The following SLC9B2 variants were observed in gnomAD, a reference collection of about 807,000 sequenced individuals.
The protein encoded by SLC9B2 is sodium/hydrogen exchanger 9B2.
SLC9B2 carries 39 observed loss-of-function variants against 52.2 expected under a neutral mutation model. That is an observed-to-expected ratio of 0.75 (90% CI 0.58 to 0.98). The LOEUF (loss-of-function observed/expected upper bound fraction) is 0.98. SLC9B2 is among the 50% of genes least tolerant of loss of function. The pLI, the probability that SLC9B2 is intolerant of heterozygous loss-of-function variation, is 0.00. For missense variants in SLC9B2, 626 were observed against 637.5 expected (o/e 0.98, Z 0.19); for synonymous variants, 214 against 227.0 (o/e 0.94, Z 0.51).
intron 3 of SLC9B2, among the ~76,000 whole-genome samples, chr4:103,062,089 C>T (rs1463036304): frequency 1.3e-5 from 2 of 152,134 alleles, no homozygotes; most frequent in African/African-American, 4.8e-5. Flanking sequence ...TAGCATAAAC[C>T]CAAGCTAATA....
chr4:103,048,715 A>C, intron 6 of SLC9B2, 178 bp downstream of exon 6: 32 of 693,252 alleles, frequency 4.6e-5, no homozygotes, highest in Non-Finnish European at 6.5e-5. Context: ...TGTAAGAGTT[A>C]GCGCCTATTA....
At chr4:103,051,447 T>C (rs1200659087) in intron 4 of SLC9B2, among the ~76,000 whole-genome samples, 1 of 152,216 alleles carries the variant, frequency 6.6e-6, no homozygotes, top group African/African-American at 2.4e-5. Flanking sequence ...CTGCTGCACA[T>C]GAAAGCATCA....
intron 1 of SLC9B2, among the ~76,000 whole-genome samples, chr4:103,070,603 G>A (rs969204794): frequency 2.6e-5 from 4 of 152,120 alleles, no homozygotes; most frequent in African/African-American, 9.7e-5. Context: ...ACCTCGCCTG[G>A]CTAATTTTTT....
At chr4:103,037,737 T>C (rs1398450314) in intron 9 of SLC9B2, among the ~76,000 whole-genome samples, 1 of 152,176 alleles carries the variant, frequency 6.6e-6, no homozygotes, top group African/African-American at 2.4e-5. Flanking sequence ...TTAGATAACA[T>C]CTAAGATCAT....
rs777936267 is a variant in SLC9B2 at position 103,047,163 on chromosome 4, T to C, written c.777A>G (p.Gly259=). The C allele has an allele frequency of 6.2e-7, 1 of 1,613,780 alleles. No homozygotes were observed. ...VVPSMLLLQG[G]GYGVEKGVPT... ...GGACACCCTTCTCAACACCATAGCCTCCTCCCTGCAAAAGGAGCATTGAAG... is the reference window on the plus strand; with the variant it reads ...GGACACCCTTCTCAACACCATAGCCCCCTCCCTGCAAAAGGAGCATTGAAG... The change falls in exon 7 of 12, where the codon GGA becomes GGG. Residue 259 remains glycine, a synonymous_variant. Coordinates refer to ENST00000394785, the MANE Select transcript of SLC9B2 (RefSeq NM_178833.7).
At chr4:103,072,978 G>A (rs1746801564) in intron 1 of SLC9B2, among the ~76,000 whole-genome samples, 1 of 151,768 alleles carries the variant, frequency 6.6e-6, no homozygotes, top group African/African-American at 2.4e-5. Context: ...TAGTCCCTTT[G>A]GCTCTTTCCC....
intron 5 of SLC9B2, 44 bp from the exon 6 acceptor site, chr4:103,049,064 G>A: frequency 1.3e-6 from 2 of 1,598,998 alleles, no homozygotes; most frequent in East Asian, 2.3e-5. Context: ...CTCTGAAGAT[G>A]TGCAGAGAAG....
At chr4:103,046,977 T>C in intron 7 of SLC9B2, 74 bp downstream of exon 7, 3 of 1,503,684 alleles carry the variant, frequency 2.0e-6, no homozygotes, top group Non-Finnish European at 1.8e-6. Context: ...CAAGCAAATA[T>C]GTCATGCTTA....
rs1742123510 is a variant in SLC9B2, at chr4:103,025,611, C to G, written c.*759G>C. 1 of 152,008 alleles carries G rather than the reference C, an allele frequency of 6.6e-6. No individual in the cohort carries two copies. The highest frequency in any genetic ancestry group is 1.5e-5 in the Non-Finnish European group (1 of 68,000). 9.4% of individuals were successfully genotyped at this position (152,008 alleles called of 1,614,324 possible). ...TGGCATAGATTTGAAACTTACCTAT[C>G]TCCCACCTAGAAATGGGAAGAGCCT... is the stretch of plus-strand genomic sequence containing the variant. On this transcript the variant is annotated 3_prime_UTR_variant, in exon 12 of 12. Coordinates refer to ENST00000394785, the MANE Select transcript of SLC9B2 (RefSeq NM_178833.7).
intron 1 of SLC9B2, among the ~76,000 whole-genome samples, chr4:103,071,387 T>C (rs1488560810): frequency 6.7e-6 from 1 of 149,848 alleles, no homozygotes; most frequent in Non-Finnish European, 1.5e-5. Context: ...TATTTTTTTT[T>C]TTTTTTTTTT....
In SLC9B2 at chr4:103,048,658, G is replaced by A. The variant is rs138394116; in HGVS notation, c.713+235C>T. 3.6e-5 allele frequency: 15 copies of A among 412,020 alleles called. No individual in the cohort carries two copies. The East Asian group carries it at 6.6e-4, about 18-fold the overall frequency. 25.5% of individuals were successfully genotyped at this position (412,020 alleles called of 1,614,324 possible). The stretch of plus-strand genomic sequence containing the variant: ...TTTAACAGGCATTGAATCAGGTGTA[G>A]GCAAAAGACCACGACTTCTTCAACA... On this transcript the variant is annotated intron_variant, in intron 6 of 11. Coordinates refer to ENST00000394785, the MANE Select transcript of SLC9B2 (RefSeq NM_178833.7).
Position 103,050,284 on chromosome 4 carries a change from G to T in SLC9B2, c.541C>A (p.Leu181Met). The T allele has an allele frequency of 1.2e-6, 2 of 1,609,472 alleles. No homozygotes were observed. Among genetic ancestry groups the T allele is most frequent in the Admixed American group, 1.7e-5 (1 of 59,224 alleles). Reference sequence around the variant, plus strand: ...CCAGCACGAACCAGAATGATAGACAGGGCTATGCTTCTCAAAGAGGAAGAC... The same window carrying T: ...CCAGCACGAACCAGAATGATAGACATGGCTATGCTTCTCAAAGAGGAAGAC... ...KWSSSLRSIA[L>M]SIILVRAGLG... The change falls in exon 5 of 12, where the codon CTG (leucine) becomes ATG (methionine). Residue 181 changes from leucine (L) to methionine (M), a missense_variant. Transcript: ENST00000394785.
intron 10 of SLC9B2, among the ~76,000 whole-genome samples, chr4:103,030,073 A>C (rs75419161): frequency 2.8e-4 from 43 of 152,292 alleles, no homozygotes; most frequent in South Asian, 1.0e-3. Context: ...TATCATTCCC[A>C]GAAGGAAACA....
At chr4:103,041,650 T>C (rs1445806824) in intron 9 of SLC9B2, among the ~76,000 whole-genome samples, 1 of 152,176 alleles carries the variant, frequency 6.6e-6, no homozygotes, top group Non-Finnish European at 1.5e-5. Context: ...TTTATGAATT[T>C]AGAAGCTGAA....
intron 4 of SLC9B2, among the ~76,000 whole-genome samples, chr4:103,055,919 TCAGC>T (rs1173078351): frequency 6.7e-6 from 1 of 150,264 alleles, no homozygotes; most frequent in Admixed American, 6.7e-5. Flanking sequence ...TTCTCCTGCC[TCAGC>T]CTCCCGAGTA....
intron 4 of SLC9B2, among the ~76,000 whole-genome samples, chr4:103,052,139 C>T (rs1020023565): frequency 3.3e-5 from 5 of 152,188 alleles, no homozygotes; most frequent in East Asian, 1.9e-4. Context: ...TCGTGGAAGA[C>T]GATTTTTCCA....
intron 1 of SLC9B2, among the ~76,000 whole-genome samples, chr4:103,070,018 T>C (rs1746475437): frequency 6.6e-6 from 1 of 152,222 alleles, no homozygotes; most frequent in Non-Finnish European, 1.5e-5. Context: ...AAAAGTTCCC[T>C]ATTCTCCAAT....
At chr4:103,046,268 C>T (rs1469688086) in intron 7 of SLC9B2, among the ~76,000 whole-genome samples, 1 of 152,140 alleles carries the variant, frequency 6.6e-6, no homozygotes, top group Admixed American at 6.5e-5. Context: ...TATAATGTTG[C>T]AAATTTTATA....
intron 5 of SLC9B2, among the ~76,000 whole-genome samples, chr4:103,049,654 A>G (rs1744484896): frequency 6.6e-6 from 1 of 152,164 alleles, no homozygotes; most frequent in Non-Finnish European, 1.5e-5. Context: ...TGTACATCAG[A>G]GAAAAGTGGG....
Sources: gnomAD v4.1 joint callset for allele counts (sites outside exome capture counted in the v4.1 genomes callset) on GRCh38, gnomAD v4.1.1 for gene constraint, MANE v1.5 for transcripts, NCBI Gene and HGNC (gene_info 2026-07-23, HGNC 2026-07-21) for gene names.